The following C6orf132 variants were observed in gnomAD, a reference collection of about 807,000 sequenced individuals.
C6orf132 encodes chromosome 6 open reading frame 132.
Under a neutral mutation model 65.3 loss-of-function variants are expected in C6orf132, and 43 were observed. The ratio of observed to expected loss-of-function variants is 0.66; its 90% CI spans 0.52 to 0.85. The LOEUF (loss-of-function observed/expected upper bound fraction) is 0.85, where lower values mean the gene tolerates loss of function less well. Among genes scored for constraint, C6orf132 ranks in the 40% least tolerant of loss-of-function variants. The pLI, the probability that C6orf132 is intolerant of heterozygous loss-of-function variation, is 0.00. For synonymous variants in C6orf132, 631 were observed against 654.1 expected, an observed-to-expected ratio of 0.96 and a Z score of 0.54; for missense variants, 1,488 against 1,548.8, an observed-to-expected ratio of 0.96 and a Z score of 0.66.
At chr6:42,133,082 C>T (rs1766878712) in intron 1 of C6orf132, among the ~76,000 whole-genome samples, 1 of 152,202 alleles carries the variant, frequency 6.6e-6, no homozygotes, top group Non-Finnish European at 1.5e-5. Flanking sequence ...ACAAAGACAA[C>T]AGAGCTCAAC....
chr6:42,136,943 G>C (rs576337627), intron 1 of C6orf132, among the ~76,000 whole-genome samples: 15 of 152,136 alleles, frequency 9.9e-5, no homozygotes, highest in Admixed American at 3.9e-4. Context: ...CAGGGCCCTC[G>C]GCTTCCAAGC....
At position 42,105,088 on chromosome 6, in the gene C6orf132, C is replaced by T; in HGVS notation, c.2824G>A (p.Ala942Thr). The change falls in exon 4 of 5, where the codon GCC becomes ACC. Residue 942 changes from alanine to threonine, a missense_variant. Coordinates refer to ENST00000341865, the MANE Select transcript of C6orf132 (RefSeq NM_001164446.3). ...RHNWTKPEPQ[A>T]PVAWERVAPS... Reference sequence around the variant, plus strand: ...GCTACTCTTTCCCAGGCCACAGGGGCCTGGGGCTCTGGCTTTGTCCAGTTG... The same window carrying T: ...GCTACTCTTTCCCAGGCCACAGGGGTCTGGGGCTCTGGCTTTGTCCAGTTG... 1.3e-6 allele frequency: 2 copies of T among 1,536,960 alleles called. No homozygotes were observed. Among genetic ancestry groups the T allele is most frequent in the Non-Finnish European group, 1.7e-6 (2 of 1,146,862 alleles).
Position 42,105,263 on chromosome 6 carries a change from G to A in C6orf132, c.2649C>T (p.Phe883=). The A allele has an allele frequency of 6.5e-7, 1 of 1,537,224 alleles. No homozygotes were observed. Among genetic ancestry groups the A allele is most frequent in the African/African-American group, 1.4e-5 (1 of 73,162 alleles). ...HQAEASSDSI[F]HSQGTPNSFT... ...AGGAGTTGGGCGTGCCCTGGCTGTGGAAGATGCTGTCAGAGCTGGCCTCGG... is the reference window on the plus strand; with the variant it reads ...AGGAGTTGGGCGTGCCCTGGCTGTGAAAGATGCTGTCAGAGCTGGCCTCGG... Residue 883 remains phenylalanine (F), a synonymous_variant, in exon 4 of 5, where the codon TTC becomes TTT. Coordinates refer to ENST00000341865, the MANE Select transcript of C6orf132 (RefSeq NM_001164446.3).
At chr6:42,140,809 A>G (rs1168881840) in intron 1 of C6orf132, among the ~76,000 whole-genome samples, 1 of 152,246 alleles carries the variant, frequency 6.6e-6, no homozygotes, top group Non-Finnish European at 1.5e-5. Flanking sequence ...AGATTTTAGA[A>G]TGGCATCTTG....
chr6:42,135,753 A>T (rs1425742082), intron 1 of C6orf132, among the ~76,000 whole-genome samples: 1 of 152,256 alleles, frequency 6.6e-6, no homozygotes, highest in Non-Finnish European at 1.5e-5. Flanking sequence ...GCAAGGCACT[A>T]TTCTAAGCCC....
In C6orf132 at chr6:42,104,969, G is replaced by A. The variant is rs751633338; in HGVS notation, c.2943C>T (p.Phe981=). The A allele has an allele frequency of 1.4e-5, 21 of 1,496,666 alleles. No homozygotes were observed. The African/African-American group carries it at 2.7e-4, about 19-fold the overall frequency. 92.7% of individuals were successfully genotyped at this position (1,496,666 alleles called of 1,614,324 possible). ...GCGGCGGTGGGATGACCTCGAAGTT[G>A]AACTCCTCCTCCTCCTCCTCCCTCT... ...SNKREEEEEE[F]NFEVIPPPPE... The change falls in exon 4 of 5, where the codon TTC becomes TTT. Residue 981 remains phenylalanine, a synonymous_variant. Transcript: ENST00000341865. The surrounding 1 kb of genome is among the most constrained non-coding windows in gnomAD (Gnocchi z 4.1).
At chr6:42,114,201 C>T (rs768330776) in intron 2 of C6orf132, among the ~76,000 whole-genome samples, 7 of 152,226 alleles carry the variant, frequency 4.6e-5, no homozygotes, top group Non-Finnish European at 8.8e-5. Context: ...AACAACAGCT[C>T]AGTCCAAGCC....
chr6:42,125,983 T>C (rs1359990527), intron 2 of C6orf132, among the ~76,000 whole-genome samples: 2 of 151,760 alleles, frequency 1.3e-5, no homozygotes, highest in Non-Finnish European at 1.5e-5. Context: ...TTGCTGCTTT[T>C]GGGGGTGGTC....
Position 42,104,116 on chromosome 6 carries a change from C to T in C6orf132, c.3450-238G>A, listed in dbSNP as rs144346169. ...AACAGCCTTTCACTCAGAACTCTTT[C>T]ACTCCTGGCCTGTGTCGGGATCCAA... On this transcript the variant is annotated intron_variant, in intron 4 of 4. Transcript: ENST00000341865. This position sits in a 1 kb window ranked among gnomAD's most constrained non-coding sequence, Gnocchi z 4.1. 8.4e-4 allele frequency among the ~76,000 whole-genome samples: 128 copies of T among 152,354 alleles called. No homozygotes were observed. Among genetic ancestry groups the T allele is most frequent in the African/African-American group, 2.9e-3 (121 of 41,586 alleles).
At chr6:42,113,082 C>A (rs1023077686) in intron 2 of C6orf132, among the ~76,000 whole-genome samples, 5 of 152,088 alleles carry the variant, frequency 3.3e-5, no homozygotes, top group African/African-American at 1.2e-4. Flanking sequence ...GGTATAGGGA[C>A]CCAGCCCATC....
chr6:42,121,974 G>C (rs1439556399), intron 2 of C6orf132, among the ~76,000 whole-genome samples: 1 of 152,192 alleles, frequency 6.6e-6, no homozygotes, highest in Non-Finnish European at 1.5e-5. Flanking sequence ...TGGGGGTGCT[G>C]GCCTGGTGGA....
intron 1 of C6orf132, among the ~76,000 whole-genome samples, chr6:42,140,173 C>A: frequency 6.6e-6 from 1 of 152,374 alleles, no homozygotes; most frequent in Non-Finnish European, 1.5e-5. Flanking sequence ...AGCTGGAGGC[C>A]CAGCCCTGCC....
At chr6:42,126,882 A>G in intron 2 of C6orf132, 1 of 428,602 alleles carries the variant, frequency 2.3e-6, no homozygotes, top group South Asian at 4.2e-5. Context: ...AAACAATTTT[A>G]TCTGCATTTA....
At chr6:42,138,806 T>C (rs966026187) in intron 1 of C6orf132, among the ~76,000 whole-genome samples, 1 of 150,730 alleles carries the variant, frequency 6.6e-6, no homozygotes, top group African/African-American at 2.4e-5. Flanking sequence ...GTCCTTTATC[T>C]TGGGATTTGC....
In C6orf132 at chr6:42,105,606, TAG is replaced by T; in HGVS notation, c.2304_2305del (p.Tyr769GlnfsTer12). The T allele has an allele frequency of 6.5e-7, 1 of 1,536,908 alleles. No homozygotes were observed. Among genetic ancestry groups the T allele is most frequent in the East Asian group, 2.4e-5 (1 of 40,918 alleles). ...GCTGCTCTGGTGGCAGTGGGGCTTGTAGAGACATGGCACCTCTCCTCCACCAG... is the reference window on the plus strand; with the variant it reads ...GCTGCTCTGGTGGCAGTGGGGCTTGTAGACATGGCACCTCTCCTCCACCAG... On this transcript the variant is annotated frameshift_variant, in exon 4 of 5. Coordinates refer to ENST00000341865, the MANE Select transcript of C6orf132 (RefSeq NM_001164446.3). LOFTEE classifies it high-confidence loss of function.
chr6:42,128,169 G>GC (rs11380880), intron 2 of C6orf132, among the ~76,000 whole-genome samples: 32,553 of 151,364 alleles, frequency 0.22, 3,608 homozygotes, highest in Middle Eastern at 0.29. Context: ...CTCATGATCT[G>GC]CCCCCTTGGC....
intron 1 of C6orf132, among the ~76,000 whole-genome samples, chr6:42,139,653 G>A (rs1767003222): frequency 6.6e-6 from 1 of 152,104 alleles, no homozygotes; most frequent in African/African-American, 2.4e-5. Context: ...ACAAATTAGT[G>A]AACTTTCTTA....
chr6:42,137,640 G>A (rs1204029294), intron 1 of C6orf132, among the ~76,000 whole-genome samples: 1 of 152,110 alleles, frequency 6.6e-6, no homozygotes, highest in African/African-American at 2.4e-5. Context: ...GCCCTGCAGG[G>A]AGTCCTAAAG....
At position 42,142,490 on chromosome 6, in the gene C6orf132, C is replaced by A. The variant is rs3749918; in HGVS notation, c.-46G>T. 0.18 allele frequency: 276,746 copies of A among 1,538,412 alleles called. 25,614 individuals carry two copies. The highest frequency in any genetic ancestry group is 0.22 in the Middle Eastern group (1,020 of 4,680). ...CGCCAGGGAAGGACCTTCCCTCCCT[C>A]GCCCTGCCCTGCCCCGGACTGAACT... On this transcript the variant is annotated 5_prime_UTR_variant, in exon 1 of 5. Transcript: ENST00000341865.
Sources: gnomAD v4.1 joint callset for allele counts (sites outside exome capture counted in the v4.1 genomes callset) on GRCh38, gnomAD v4.1.1 for gene constraint, Gnocchi (gnomAD v3.1) non-coding constraint, MANE v1.5 for transcripts, NCBI Gene and HGNC (gene_info 2026-07-23, HGNC 2026-07-21) for gene names.